Variants in PDE1C observed in about 807,000 individuals in gnomAD.
PDE1C encodes dual specificity calcium/calmodulin-dependent 3',5'-cyclic nucleotide phosphodiesterase 1C.
A neutral mutation model predicts 93.1 loss-of-function variants in PDE1C; 62 were observed. That is an observed-to-expected ratio of 0.67 (90% confidence interval 0.54 to 0.82). The LOEUF (loss-of-function observed/expected upper bound fraction) is 0.82, where lower values mean the gene tolerates loss of function less well. Ranked by LOEUF, PDE1C falls within the 40% of genes least tolerant of loss-of-function variation. PDE1C has a pLI of 0.00. For synonymous variants in PDE1C, 325 were observed against 310.1 expected (o/e 1.05, Z -0.50); for missense variants, 742 against 884.6 (o/e 0.84, Z 2.04).
At chr7:32,176,060 T>C (rs1802963881) in intron 2 of PDE1C, among the ~76,000 whole-genome samples, 1 of 152,234 alleles carries the variant, frequency 6.6e-6, no homozygotes. Flanking sequence ...TTGAATAAGA[T>C]CTTTGACACA....
intron 3 of PDE1C, among the ~76,000 whole-genome samples, chr7:32,133,414 A>AT (rs1250786490): frequency 1.3e-5 from 2 of 152,176 alleles, no homozygotes; most frequent in Non-Finnish European, 2.9e-5. Flanking sequence ...GAGGGATGTC[A>AT]TAGTGGTAGG....
chr7:32,056,038 C>T (rs1050405801), intron 1 of PDE1C, among the ~76,000 whole-genome samples: 5 of 152,028 alleles, frequency 3.3e-5, no homozygotes, highest in South Asian at 2.1e-4. Context: ...AAATTTGTTT[C>T]TAAAACTTAA....
intron 2 of PDE1C, among the ~76,000 whole-genome samples, chr7:32,036,256 C>A (rs1459942885): frequency 6.6e-6 from 1 of 152,158 alleles, no homozygotes; most frequent in Admixed American, 6.5e-5. Context: ...CCTGCCCCAG[C>A]ATATCCATCC....
chr7:32,013,009 C>A (rs1787369106), intron 2 of PDE1C, among the ~76,000 whole-genome samples: 1 of 151,992 alleles, frequency 6.6e-6, no homozygotes, highest in African/African-American at 2.4e-5. Flanking sequence ...CAATAAAGTC[C>A]CTTGTTCTTA....
chr7:32,111,325 G>A (rs997949188), intron 3 of PDE1C, among the ~76,000 whole-genome samples: 1 of 152,184 alleles, frequency 6.6e-6, no homozygotes, highest in Non-Finnish European at 1.5e-5. Context: ...AAGACAGTAG[G>A]TTTGAACACA....
At chr7:31,681,681 A>G in the PDE1C span, among the ~76,000 whole-genome samples, 1 of 152,080 alleles carries the variant, frequency 6.6e-6, no homozygotes. Context: ...ACTCCCTAAC[A>G]CCAGGAACAC....
At chr7:32,173,153 T>C (rs1802763912) in intron 2 of PDE1C, among the ~76,000 whole-genome samples, 2 of 152,132 alleles carry the variant, frequency 1.3e-5, no homozygotes, top group Admixed American at 1.3e-4. Context: ...ATGTAGCATA[T>C]ATACACCATG....
chr7:31,961,105 T>G (rs1808873749), intron 2 of PDE1C, among the ~76,000 whole-genome samples: 1 of 152,156 alleles, frequency 6.6e-6, no homozygotes, highest in Admixed American at 6.6e-5. Flanking sequence ...AATGAATTAA[T>G]TAAGTTTAAA....
chr7:32,082,609 G>A (rs1034008495), intron 3 of PDE1C, among the ~76,000 whole-genome samples: 17 of 152,204 alleles, frequency 1.1e-4, no homozygotes, highest in African/African-American at 4.1e-4. Flanking sequence ...CCCCCAGTAG[G>A]GGCAGACTGA....
intron 1 of PDE1C, among the ~76,000 whole-genome samples, chr7:32,266,003 G>A (rs1185318330): frequency 8.4e-6 from 1 of 119,164 alleles, no homozygotes; most frequent in African/African-American, 3.4e-5. Flanking sequence ...GGCCGGGCGC[G>A]GTGGCTCACG....
At chr7:32,298,640 A>G in intron 1 of PDE1C, 1 of 1,598,596 alleles carries the variant, frequency 6.3e-7, no homozygotes, top group Non-Finnish European at 8.5e-7. Context: ...AGAGGGGTGG[A>G]AAGTTCTCAC....
chr7:32,309,008 T>A (rs565009036), intron 1 of PDE1C, among the ~76,000 whole-genome samples: 1 of 151,134 alleles, frequency 6.6e-6, no homozygotes, highest in Non-Finnish European at 1.5e-5. Context: ...TGAAAAAAAA[T>A]TAGATGAATG....
At chr7:32,314,447 G>A (rs1179672704) in intron 1 of PDE1C, among the ~76,000 whole-genome samples, 3 of 152,142 alleles carry the variant, frequency 2.0e-5, no homozygotes, top group Non-Finnish European at 4.4e-5. Context: ...CAAATACAGA[G>A]CATCCCAGGT....
At chr7:31,639,942 CAT>C in the PDE1C span, among the ~76,000 whole-genome samples, 1 of 152,164 alleles carries the variant, frequency 6.6e-6, no homozygotes, top group African/African-American at 2.4e-5. Context: ...CATAATGGAT[CAT>C]ATGTTCCTGC....
At chr7:32,212,120 A>C (rs1022959705) in intron 1 of PDE1C, among the ~76,000 whole-genome samples, 6 of 152,210 alleles carry the variant, frequency 3.9e-5, no homozygotes, top group South Asian at 2.1e-4. Flanking sequence ...TTAAAATGAC[A>C]TTTTAAAATG....
intron 2 of PDE1C, among the ~76,000 whole-genome samples, chr7:31,946,528 T>G (rs1448324135): frequency 6.6e-6 from 1 of 152,202 alleles, no homozygotes; most frequent in African/African-American, 2.4e-5. Flanking sequence ...GAAGAACATG[T>G]TCCCCATTAT....
chr7:32,292,875 G>A (rs771365049), intron 1 of PDE1C, among the ~76,000 whole-genome samples: 4 of 152,186 alleles, frequency 2.6e-5, no homozygotes, highest in Non-Finnish European at 4.4e-5. Context: ...GAGTGGACAC[G>A]CCAGGCACAC....
intron 1 of PDE1C, among the ~76,000 whole-genome samples, chr7:32,312,443 G>C (rs215620): frequency 6.6e-6 from 1 of 151,716 alleles, no homozygotes; most frequent in Non-Finnish European, 1.5e-5. Flanking sequence ...AGCCCGCATC[G>C]CCAAGTCAAT....
chr7:31,946,747 G>C (rs1390394804), intron 2 of PDE1C, among the ~76,000 whole-genome samples: 1 of 152,128 alleles, frequency 6.6e-6, no homozygotes, highest in Non-Finnish European at 1.5e-5. Flanking sequence ...CCCACTTTAT[G>C]CACTCTTAAA....
Sources: allele counts gnomAD v4.1 joint callset (sites outside exome capture counted in the v4.1 genomes callset), GRCh38; gene constraint gnomAD v4.1.1; transcripts MANE v1.5; gene names NCBI Gene and HGNC (gene_info 2026-07-23, HGNC 2026-07-21).